Variants in IL1RL1 observed in about 807,000 individuals in gnomAD.
IL1RL1 encodes the protein interleukin 1 receptor like 1, also known as interleukin-1 receptor-like 1.
IL1RL1 carries 32 observed loss-of-function variants against 50.9 expected under a neutral mutation model. That is an observed-to-expected ratio of 0.63 (90% CI 0.47 to 0.84). The LOEUF (loss-of-function observed/expected upper bound fraction) is 0.84, where lower values mean the gene tolerates loss of function less well. Ranked by LOEUF, IL1RL1 falls within the 40% of genes least tolerant of loss-of-function variation. The pLI, the probability that IL1RL1 is intolerant of heterozygous loss-of-function variation, is 0.00. For synonymous variants in IL1RL1, 275 were observed against 236.0 expected, an observed-to-expected ratio of 1.17 and a Z score of -1.51; for missense variants, 773 against 662.9, an observed-to-expected ratio of 1.17 and a Z score of -1.82.
Position 102,342,255 on chromosome 2 carries a change from G to A in IL1RL1, c.643G>A (p.Gly215Arg), listed in dbSNP as rs75320001. 3.4e-4 allele frequency: 547 copies of A among 1,611,648 alleles called. 5 individuals carry two copies. The East Asian group carries it at 0.011, about 31-fold the overall frequency. ...EQGFSLFPVIGAPAQNEIKEV... is the reference protein window; with the variant it reads ...EQGFSLFPVIRAPAQNEIKEV... The stretch of plus-strand genomic sequence containing the variant: ...AGGCTTTTCTCTGTTTCCAGTAATC[G>A]GAGCCCCTGCACAAAATGAAATAAA... Residue 215 changes from glycine (G) to arginine (R), a missense_variant, in exon 6 of 11, where the codon GGA becomes AGA. Coordinates refer to ENST00000233954, the MANE Select transcript of IL1RL1 (RefSeq NM_016232.5).
intron 1 of IL1RL1, among the ~76,000 whole-genome samples, chr2:102,329,641 A>T (rs915026766): frequency 6.6e-6 from 1 of 152,234 alleles, no homozygotes; most frequent in African/African-American, 2.4e-5. Flanking sequence ...CAAATTTACA[A>T]GAAAAAAACA....
intron 10 of IL1RL1, among the ~76,000 whole-genome samples, chr2:102,350,007 A>G (rs1677885054): frequency 1.3e-5 from 2 of 152,202 alleles, no homozygotes; most frequent in Non-Finnish European, 2.9e-5. Context: ...TCACATGCCT[A>G]TAGATGTAAA....
At chr2:102,327,532 CAAA>C (rs1182947210) in intron 1 of IL1RL1, among the ~76,000 whole-genome samples, 17 of 151,940 alleles carry the variant, frequency 1.1e-4, no homozygotes, top group Non-Finnish European at 2.2e-4. Context: ...AATAGAGACA[CAAA>C]AAACCCTTCA....
intron 1 of IL1RL1, among the ~76,000 whole-genome samples, chr2:102,335,947 T>C (rs1357019677): frequency 6.6e-6 from 1 of 152,162 alleles, no homozygotes; most frequent in Non-Finnish European, 1.5e-5. Context: ...ACCTAATTCC[T>C]CTAATTTACG....
At chr2:102,321,918 C>G (rs1221985740) in intron 1 of IL1RL1, among the ~76,000 whole-genome samples, 1 of 152,224 alleles carries the variant, frequency 6.6e-6, no homozygotes, top group East Asian at 1.9e-4. Context: ...AGTCAAACAA[C>G]TCTAGTCTGA....
At chr2:102,311,989 TA>T (rs1301745368) in intron 1 of IL1RL1, among the ~76,000 whole-genome samples, 589 of 31,526 alleles carry the variant, frequency 0.019, 42 homozygotes, top group African/African-American at 0.1. Context: ...TAATATATAT[TA>T]TATATAATAT....
rs376296332 is a variant in IL1RL1, at chr2:102,323,859, C to T, written c.-150+12236C>T. Among the ~76,000 whole-genome samples, 20 of 152,188 alleles carry T rather than the reference C, an allele frequency of 1.3e-4. 2 individuals carry two copies. Among genetic ancestry groups the T allele is most frequent in the Admixed American group, 1.2e-3 (18 of 15,284 alleles). On this transcript the variant is annotated intron_variant, in intron 1 of 10. Transcript: ENST00000233954. The stretch of plus-strand genomic sequence containing the variant: ...TATTCCACAAATCTCTCTCATACTC[C>T]TTTATAAGTAATTGCTACCCTTCAT...
chr2:102,339,273 G>A, intron 3 of IL1RL1: 1 of 468,688 alleles, frequency 2.1e-6, no homozygotes, highest in East Asian at 3.2e-5. Context: ...GGATTGATTT[G>A]TAGCTGACTT....
At chr2:102,320,790 G>C (rs935446283) in intron 1 of IL1RL1, among the ~76,000 whole-genome samples, 6 of 151,966 alleles carry the variant, frequency 3.9e-5, no homozygotes, top group African/African-American at 1.5e-4. Context: ...GCACTTCCCC[G>C]CCCTGGTCAT....
chr2:102,339,987 G>T, intron 3 of IL1RL1, 111 bp from the exon 4 acceptor site: 1 of 509,000 alleles, frequency 2.0e-6, no homozygotes, highest in Non-Finnish European at 3.3e-6. Context: ...TAACCATTAT[G>T]TATATTGATG....
chr2:102,326,511 T>G (rs1356063507), intron 1 of IL1RL1, among the ~76,000 whole-genome samples: 1 of 152,018 alleles, frequency 6.6e-6, no homozygotes, highest in African/African-American at 2.4e-5. Context: ...AATATTAACC[T>G]TAAATGTAAA....
intron 1 of IL1RL1, among the ~76,000 whole-genome samples, chr2:102,314,859 A>T (rs1676631156): frequency 6.6e-6 from 1 of 152,088 alleles, no homozygotes. Context: ...CCTGGGCTCC[A>T]GGGGGCTATA....
chr2:102,343,913 A>G (rs1677684635), intron 8 of IL1RL1: 2 of 996,174 alleles, frequency 2.0e-6, no homozygotes, highest in Non-Finnish European at 2.4e-6. Context: ...TTTCAGTGAG[A>G]AAATCCTAGG....
At chr2:102,331,820 C>T (rs1677186547) in intron 1 of IL1RL1, among the ~76,000 whole-genome samples, 1 of 152,174 alleles carries the variant, frequency 6.6e-6, no homozygotes, top group South Asian at 2.1e-4. Flanking sequence ...GTAATCCCAG[C>T]ACTTTGGGAG....
chr2:102,337,928 T>C (rs969825767), intron 1 of IL1RL1, among the ~76,000 whole-genome samples, 188 bp from the exon 2 acceptor site: 2 of 152,186 alleles, frequency 1.3e-5, no homozygotes, highest in African/African-American at 4.8e-5. Context: ...ATGATCATTG[T>C]GAAAGCTATA....
At chr2:102,347,026 T>G (rs1337421457) in intron 8 of IL1RL1, among the ~76,000 whole-genome samples, 1 of 152,226 alleles carries the variant, frequency 6.6e-6, no homozygotes, top group Non-Finnish European at 1.5e-5. Context: ...GAGAGAAGTA[T>G]GGGCTATGAG....
intron 8 of IL1RL1, chr2:102,345,265 T>C (rs1677739854): frequency 2.0e-6 from 2 of 985,478 alleles, no homozygotes; most frequent in Non-Finnish European, 2.4e-6. Flanking sequence ...GAATGCAATG[T>C]TGTCTTGGAA....
intron 1 of IL1RL1, among the ~76,000 whole-genome samples, chr2:102,325,013 C>T (rs192693454): frequency 1.3e-3 from 195 of 152,278 alleles, no homozygotes; most frequent in African/African-American, 4.4e-3. Context: ...GTGGTTCTCC[C>T]AGCACGCAGC....
At position 102,340,828 on chromosome 2, in the gene IL1RL1, G is replaced by C; in HGVS notation, c.610G>C (p.Asp204His). The change falls in exon 5 of 11, where the codon GAT becomes CAT. Residue 204 changes from aspartate (D) to histidine (H), a missense_variant and splice_region_variant. Physicochemically the swap from Asp to His is moderately conservative, Grantham distance 81. Coordinates refer to ENST00000233954, the MANE Select transcript of IL1RL1 (RefSeq NM_016232.5). ...GGCGACCAGGTCCTTCACGGTCAAG[G>C]GTAAGCTACTGACATTAATGAGATA... ...VTATRSFTVK[D>H]EQGFSLFPVI... 2 of 1,568,182 alleles carry C rather than the reference G, an allele frequency of 1.3e-6. No individual in the cohort carries two copies. Among genetic ancestry groups the C allele is most frequent in the Non-Finnish European group, 1.7e-6 (2 of 1,165,310 alleles).
Sources: gnomAD v4.1 joint callset for allele counts (sites outside exome capture counted in the v4.1 genomes callset) on GRCh38, gnomAD v4.1.1 for gene constraint, MANE v1.5 for transcripts, NCBI Gene and HGNC (gene_info 2026-07-23, HGNC 2026-07-21) for gene names.